Variants in RGS7BP observed in about 807,000 individuals in gnomAD.
RGS7BP encodes regulator of G protein signaling 7-binding protein.
Under a neutral mutation model 31.3 loss-of-function variants are expected in RGS7BP, and 9 were observed. The observed-to-expected ratio is 0.29, with a 90% CI of 0.17 to 0.50. RGS7BP has a LOEUF of 0.50. Among genes scored for constraint, RGS7BP ranks in the 20% least tolerant of loss-of-function variants. The pLI is 0.98. For missense variants in RGS7BP, 274 were observed against 322.0 expected, an observed-to-expected ratio of 0.85 and a Z score of 1.14; for synonymous variants, 115 against 120.1, an observed-to-expected ratio of 0.96 and a Z score of 0.28.
chr5:64,543,814 C>T (rs1362863399), intron 2 of RGS7BP, among the ~76,000 whole-genome samples: 1 of 152,136 alleles, frequency 6.6e-6, no homozygotes, highest in Non-Finnish European at 1.5e-5. Context: ...CTCTATCTTC[C>T]CTATAAATAA....
Position 64,506,809 on chromosome 5 carries a change from C to CTTTT in RGS7BP, c.165+32_165+35dup, listed in dbSNP as rs36025131. 4.4e-5 allele frequency: 58 copies of CTTTT among 1,326,788 alleles called. No individual in the cohort carries two copies. Among genetic ancestry groups the CTTTT allele is most frequent in the South Asian group, 9.7e-5 (6 of 61,988 alleles). The allele number at this position is 1,326,788 out of a possible 1,614,324, so 82.2% of individuals were successfully genotyped here. A position where few individuals can be genotyped will look rare whatever the true frequency, so the allele number is the denominator to read the frequency against. On this transcript the variant is annotated intron_variant, in intron 1 of 5. Transcript: ENST00000334025. This position sits in a 1 kb window ranked among gnomAD's most constrained non-coding sequence, Gnocchi z 4.6. Reference sequence around the variant, plus strand: ...AAGATGGTGGGTGAAAACTGCGCCTCTTTTTTTTTTTTTTTAATTGAGAGG... The same window carrying CTTTT: ...AAGATGGTGGGTGAAAACTGCGCCTCTTTTTTTTTTTTTTTTTTTAATTGAGAGG...
chr5:64,524,595 T>A (rs1225840123), intron 2 of RGS7BP, among the ~76,000 whole-genome samples: 1 of 152,224 alleles, frequency 6.6e-6, no homozygotes, highest in Non-Finnish European at 1.5e-5. Context: ...ACTATTATAT[T>A]GCTAATGCAA....
At chr5:64,527,743 C>T (rs192261050) in intron 2 of RGS7BP, among the ~76,000 whole-genome samples, 5 of 149,996 alleles carry the variant, frequency 3.3e-5, no homozygotes, top group Admixed American at 2.0e-4. Flanking sequence ...TTAAGTGAAA[C>T]AGCAGATTAT....
At chr5:64,602,001 T>C (rs1743230752) in intron 5 of RGS7BP, among the ~76,000 whole-genome samples, 1 of 152,172 alleles carries the variant, frequency 6.6e-6, no homozygotes, top group African/African-American at 2.4e-5. Flanking sequence ...CGAGAATCAG[T>C]CGAGAAGTAG....
intron 2 of RGS7BP, among the ~76,000 whole-genome samples, chr5:64,550,747 C>T (rs917931362): frequency 4.3e-5 from 6 of 138,924 alleles, no homozygotes; most frequent in African/African-American, 1.7e-4. Flanking sequence ...AACCCTGCAA[C>T]AGTCCCCAGT....
intron 2 of RGS7BP, among the ~76,000 whole-genome samples, chr5:64,527,018 A>G (rs924812487): frequency 6.6e-6 from 1 of 152,256 alleles, no homozygotes; most frequent in African/African-American, 2.4e-5. Flanking sequence ...TCCTGAATAC[A>G]CACTTGAAAT....
chr5:64,544,106 A>T (rs1296795503), intron 2 of RGS7BP, among the ~76,000 whole-genome samples: 1 of 152,214 alleles, frequency 6.6e-6, no homozygotes, highest in African/African-American at 2.4e-5. Flanking sequence ...GAAATGGTTA[A>T]CTTACTCTTC....
intron 3 of RGS7BP, among the ~76,000 whole-genome samples, chr5:64,593,961 A>G (rs543948428): frequency 6.6e-6 from 1 of 152,334 alleles, no homozygotes; most frequent in African/African-American, 2.4e-5. Flanking sequence ...ACTTAATTTC[A>G]TATAAATTTA....
chr5:64,526,606 TG>T (rs950317476), intron 2 of RGS7BP, among the ~76,000 whole-genome samples: 1 of 152,154 alleles, frequency 6.6e-6, no homozygotes, highest in African/African-American at 2.4e-5. Flanking sequence ...GCACAATGAA[TG>T]GCAGTGATGG....
At chr5:64,534,877 A>T (rs1168373281) in intron 2 of RGS7BP, among the ~76,000 whole-genome samples, 1 of 152,180 alleles carries the variant, frequency 6.6e-6, no homozygotes. Context: ...ATAGAAAACA[A>T]AGGAGAGCTA....
rs1166738018 is a variant in RGS7BP, at chr5:64,506,562, C to T, written c.-63C>T. 4 of 1,495,208 alleles carry T rather than the reference C, an allele frequency of 2.7e-6. No homozygotes were observed. In the African/African-American group the frequency reaches 5.6e-5, roughly 21 times the overall value. The allele number at this position is 1,495,208 out of a possible 1,614,324, so 92.6% of individuals were successfully genotyped here. Reference sequence around the variant, plus strand: ...TGCTTGGCGGCGGCGCCCAGGGCAACAACCGGGCCGCCCGCGCCGGGGCGC... The same window carrying T: ...TGCTTGGCGGCGGCGCCCAGGGCAATAACCGGGCCGCCCGCGCCGGGGCGC... On this transcript the variant is annotated 5_prime_UTR_variant, in exon 1 of 6. Coordinates refer to ENST00000334025, the MANE Select transcript of RGS7BP (RefSeq NM_001029875.3). The surrounding 1 kb of genome is among the most constrained non-coding windows in gnomAD (Gnocchi z 4.6).
chr5:64,528,864 A>G (rs1749301796), intron 2 of RGS7BP, among the ~76,000 whole-genome samples: 1 of 150,738 alleles, frequency 6.6e-6, no homozygotes, highest in Non-Finnish European at 1.5e-5. Context: ...TAATGGCACC[A>G]ATTTCACTGG....
At chr5:64,528,749 T>C (rs1334940945) in intron 2 of RGS7BP, among the ~76,000 whole-genome samples, 4 of 137,208 alleles carry the variant, frequency 2.9e-5, no homozygotes, top group African/African-American at 8.5e-5. Flanking sequence ...AGGCAGAAGT[T>C]GCAGTGAGCC....
At chr5:64,560,796 A>C (rs1742035758) in intron 2 of RGS7BP, among the ~76,000 whole-genome samples, 1 of 152,094 alleles carries the variant, frequency 6.6e-6, no homozygotes, top group African/African-American at 2.4e-5. Flanking sequence ...TTCCACCCTT[A>C]TGCAGAGAAG....
chr5:64,595,858 C>T (rs1227276310), intron 4 of RGS7BP, among the ~76,000 whole-genome samples: 5 of 151,992 alleles, frequency 3.3e-5, no homozygotes, highest in East Asian at 1.9e-4. Context: ...AGCTAATTAC[C>T]GAATTTCTGT....
chr5:64,602,612 A>G (rs1315386172), intron 5 of RGS7BP, among the ~76,000 whole-genome samples: 2 of 152,086 alleles, frequency 1.3e-5, no homozygotes, highest in Non-Finnish European at 2.9e-5. Context: ...GAAAAATTGG[A>G]TGGGAATCAC....
chr5:64,565,565 A>G (rs1742149747), intron 2 of RGS7BP, among the ~76,000 whole-genome samples: 1 of 152,096 alleles, frequency 6.6e-6, no homozygotes, highest in African/African-American at 2.4e-5. Flanking sequence ...GCCAATCTCT[A>G]GTGATGAAAT....
intron 2 of RGS7BP, among the ~76,000 whole-genome samples, chr5:64,511,133 T>C (rs1419358559): frequency 6.6e-6 from 1 of 152,198 alleles, no homozygotes; most frequent in Admixed American, 6.5e-5. Context: ...ATACCTTTCA[T>C]CCCTGACCAA....
chr5:64,601,157 T>C (rs1015135177), intron 5 of RGS7BP, among the ~76,000 whole-genome samples: 2 of 152,236 alleles, frequency 1.3e-5, no homozygotes, highest in Non-Finnish European at 2.9e-5. Flanking sequence ...GAAAGCCATC[T>C]GTTTTCTTTC....
Sources: allele counts gnomAD v4.1 joint callset (sites outside exome capture counted in the v4.1 genomes callset), GRCh38; gene constraint gnomAD v4.1.1; non-coding constraint Gnocchi (gnomAD v3.1); transcripts MANE v1.5; gene names NCBI Gene and HGNC (gene_info 2026-07-23, HGNC 2026-07-21).